ESPN: variants seen among roughly 807,000 people sequenced by gnomAD.
ESPN encodes the protein espin, also known as autosomal recessive deafness type 36 protein.
A neutral mutation model predicts 77.7 loss-of-function variants in ESPN; 68 were observed. The observed-to-expected ratio is 0.87, with a 90% confidence interval of 0.72 to 1.07. The LOEUF (loss-of-function observed/expected upper bound fraction) is 1.07. ESPN is among the 50% of genes least tolerant of loss of function. The pLI is 0.00. For synonymous variants in ESPN, 449 were observed against 567.1 expected (o/e 0.79, Z 2.96); for missense variants, 1,060 against 1,239.0 (o/e 0.86, Z 2.17).
intron 7 of ESPN, among the ~76,000 whole-genome samples, chr1:6,446,318 C>A (rs1476988410): frequency 6.6e-6 from 1 of 152,124 alleles, no homozygotes; most frequent in Admixed American, 6.6e-5. Context: ...CAGGCTCAGT[C>A]GGAGAGTGTC....
At chr1:6,430,901 G>A (rs1643219636) in intron 2 of ESPN, among the ~76,000 whole-genome samples, 1 of 152,188 alleles carries the variant, frequency 6.6e-6, no homozygotes, top group Admixed American at 6.5e-5. Context: ...GGCCCTCCCG[G>A]CAGGAGCTCC....
chr1:6,460,846 C>G lies in ESPN; in HGVS notation c.*700C>G, dbSNP rs1644150401. On this transcript the variant is annotated 3_prime_UTR_variant, in exon 13 of 13. Transcript: ENST00000645284. Reference sequence around the variant, plus strand: ...GTGGAGTGAATAGAGGATGAGGGGCCCTGACCCTGTGTCTCCAACTGCTGC... The same window carrying G: ...GTGGAGTGAATAGAGGATGAGGGGCGCTGACCCTGTGTCTCCAACTGCTGC... 1.1e-4 allele frequency: 32 copies of G among 292,972 alleles called. 1 individual carries two copies. The highest frequency in any genetic ancestry group is 1.0e-3 in the South Asian group (32 of 31,848). 18.1% of individuals were successfully genotyped at this position (292,972 alleles called of 1,614,324 possible).
chr1:6,445,609 G>T, intron 6 of ESPN, 55 bp from the exon 7 acceptor site: 1 of 1,586,306 alleles, frequency 6.3e-7, no homozygotes, highest in East Asian at 2.3e-5. Flanking sequence ...TCTCAGTCTT[G>T]GGGGACAGCC....
intron 10 of ESPN, chr1:6,456,495 G>T (rs1644060439): frequency 4.2e-6 from 1 of 237,140 alleles, no homozygotes; most frequent in Non-Finnish European, 8.0e-6. Flanking sequence ...TCTGAGTGAG[G>T]GGCTGCGGCT....
intron 7 of ESPN, chr1:6,448,094 C>T (rs1469333411): frequency 1.3e-5 from 2 of 152,384 alleles, no homozygotes; most frequent in Non-Finnish European, 2.9e-5. Context: ...AGGTGCACAG[C>T]GGGGGCCACC....
In ESPN at chr1:6,458,007, C is replaced by T. The variant is rs79015088; in HGVS notation, c.2417+635C>T. ...GGCAATGCAGTGAGACCTCATTCTGCGAAAAAAAAAAAAAAAAAAAAATTT... is the reference window on the plus strand; with the variant it reads ...GGCAATGCAGTGAGACCTCATTCTGTGAAAAAAAAAAAAAAAAAAAAATTT... On this transcript the variant is annotated intron_variant, in intron 12 of 12. Transcript: ENST00000645284. Among the ~76,000 whole-genome samples the T allele has an allele frequency of 4.4e-4, 51 of 116,546 alleles. 1 individual carries two copies. The East Asian group carries it at 9.4e-3, about 22-fold the overall frequency. The allele number at this position is 116,546 out of a possible 152,430, so 76.5% of individuals were successfully genotyped here. A position where few individuals can be genotyped will look rare whatever the true frequency, so the allele number is the denominator to read the frequency against.
chr1:6,426,934 C>A (rs1643058564), intron 1 of ESPN, among the ~76,000 whole-genome samples: 1 of 152,140 alleles, frequency 6.6e-6, no homozygotes, highest in Non-Finnish European at 1.5e-5. Context: ...TTCCTCCCTG[C>A]CTCCTTAGCA....
rs1644149875 is a variant in ESPN, at chr1:6,460,827, T to G, written c.*681T>G. 4.5e-6 allele frequency: 1 copy of G among 221,918 alleles called. No homozygotes were observed. Among genetic ancestry groups the G allele is most frequent in the Non-Finnish European group, 9.1e-6 (1 of 110,036 alleles). 13.7% of individuals were successfully genotyped at this position (221,918 alleles called of 1,614,324 possible). ...GGACCCTTTCACTGCCCCGGTGGAG[T>G]GAATAGAGGATGAGGGGCCCTGACC... On this transcript the variant is annotated 3_prime_UTR_variant, in exon 13 of 13. Transcript: ENST00000645284.
chr1:6,431,021 T>G (rs1405558042), intron 2 of ESPN, among the ~76,000 whole-genome samples: 1 of 152,216 alleles, frequency 6.6e-6, no homozygotes, highest in African/African-American at 2.4e-5. Context: ...AGGAGGGTCC[T>G]GGAGCCCAGG....
rs773265509 is a variant in ESPN, at chr1:6,441,070, G to C, written c.990+5G>C. 6.2e-6 allele frequency: 10 copies of C among 1,610,384 alleles called. No homozygotes were observed. The highest frequency in any genetic ancestry group is 8.5e-6 in the Non-Finnish European group (10 of 1,179,172). ...CTGCGCACGGTGGAGAACCTGGTAC[G>C]ATCCCTGAGCTGCTCCTGTCGCATT... On this transcript the variant is annotated splice_donor_5th_base_variant and intron_variant, in intron 5 of 12. Transcript: ENST00000645284.
Position 6,437,377 on chromosome 1 carries a change from A to G in ESPN, c.489-2877A>G, listed in dbSNP as rs1177743353. ...CCGTGGGCCTCTACAGATAGAACCC[A>G]GTGGGCCCCCACCAGCCCCTGATCC... On this transcript the variant is annotated intron_variant, in intron 2 of 12. Transcript: ENST00000645284. The surrounding 1 kb of genome is among the most constrained non-coding windows in gnomAD (Gnocchi z 4.5). 6.6e-6 allele frequency: 1 copy of G among 152,208 alleles called. No homozygotes were observed. The highest frequency in any genetic ancestry group is 1.5e-5 in the Non-Finnish European group (1 of 68,034). 9.4% of individuals were successfully genotyped at this position (152,208 alleles called of 1,614,324 possible).
chr1:6,460,507 G>C lies in ESPN; in HGVS notation c.*361G>C. 1 of 199,764 alleles carries C rather than the reference G, an allele frequency of 5.0e-6. No individual in the cohort carries two copies. Among genetic ancestry groups the C allele is most frequent in the Non-Finnish European group, 1.0e-5 (1 of 97,114 alleles). The allele number at this position is 199,764 out of a possible 1,614,324, so 12.4% of individuals were successfully genotyped here. On this transcript the variant is annotated 3_prime_UTR_variant, in exon 13 of 13. Coordinates refer to ENST00000645284, the MANE Select transcript of ESPN (RefSeq NM_031475.3). ...TTCCTGCGGGGCTCAGCCCCCTCCA[G>C]GATGCAGCCCCCTCCCCCGCACCCC...
Position 6,444,484 on chromosome 1 carries a change from G to A in ESPN, c.994G>A (p.Val332Met), listed in dbSNP as rs777273227. ...RYLRTVENLS[V>M]EHRVLSRDPS... ...GGCCTCCCTGCCTCCCCTTCAGAGC[G>A]TGGAGCACCGCGTGCTTTCCCGGGA... The change falls in exon 6 of 13, where the codon GTG becomes ATG. Residue 332 changes from valine to methionine, a missense_variant. Coordinates refer to ENST00000645284, the MANE Select transcript of ESPN (RefSeq NM_031475.3). 8.1e-6 allele frequency: 13 copies of A among 1,614,172 alleles called. No individual in the cohort carries two copies. Among genetic ancestry groups the A allele is most frequent in the Admixed American group, 5.0e-5 (3 of 60,030 alleles).
rs546499647 is a variant in ESPN at position 6,445,831 on chromosome 1, G to C, written c.1360G>C (p.Gly454Arg). The change falls in exon 7 of 13, where the codon GGC (glycine) becomes CGC (arginine). Residue 454 changes from glycine to arginine, a missense_variant. Physicochemically the swap from Gly to Arg is moderately radical, Grantham distance 125. This residue lies in a region of ESPN where 130 missense variants were observed against 223.9 expected (regional missense o/e 0.58). Coordinates refer to ENST00000645284, the MANE Select transcript of ESPN (RefSeq NM_031475.3). ...CACCCAACTGCCCCCACCCCCACCT[G>C]GCTACCCAGCTCCCAAGCCTCCTGT... ...PGTQLPPPPPGYPAPKPPVGP... is the reference protein window; with the variant it reads ...PGTQLPPPPPRYPAPKPPVGP... 7.9e-7 allele frequency: 1 copy of C among 1,269,972 alleles called. No individual in the cohort carries two copies. Among genetic ancestry groups the C allele is most frequent in the Admixed American group, 2.4e-5 (1 of 41,252 alleles). The allele number at this position is 1,269,972 out of a possible 1,614,324, so 78.7% of individuals were successfully genotyped here. A position where few individuals can be genotyped will look rare whatever the true frequency, so the allele number is the denominator to read the frequency against.
At chr1:6,452,319 C>T (rs1342743906) in intron 10 of ESPN, among the ~76,000 whole-genome samples, 1 of 152,122 alleles carries the variant, frequency 6.6e-6, no homozygotes, top group Non-Finnish European at 1.5e-5. Flanking sequence ...ATTCTCCTGC[C>T]TCAGCCTCCC....
At chr1:6,429,351 T>C (rs1000394965) in intron 2 of ESPN, among the ~76,000 whole-genome samples, 1 of 151,984 alleles carries the variant, frequency 6.6e-6, no homozygotes, top group Non-Finnish European at 1.5e-5. Context: ...AAACTAGGAT[T>C]TGGATCATGT....
chr1:6,448,109 C>G (rs1450355443), intron 7 of ESPN: 2 of 152,438 alleles, frequency 1.3e-5, no homozygotes, highest in African/African-American at 2.4e-5. Context: ...GCCACCAGCA[C>G]CGTGGCAGGT....
intron 10 of ESPN, among the ~76,000 whole-genome samples, chr1:6,453,442 C>T (rs770302464): frequency 1.9e-4 from 29 of 152,158 alleles, no homozygotes; most frequent in African/African-American, 6.0e-4. Flanking sequence ...GGCTGGGGGG[C>T]GTGTTAGGGA....
In ESPN at chr1:6,448,831, G is replaced by C. The variant is rs1443725819; in HGVS notation, c.1655G>C (p.Gly552Ala). The change falls in exon 8 of 13, where the codon GGC (glycine) becomes GCC (alanine). Residue 552 changes from glycine (G) to alanine (A), a missense_variant. By Grantham distance (60) the Gly-to-Ala change is moderately conservative. Transcript: ENST00000645284. ...EVRARQPARA[G>A]CPRLGPAARG... ...CGTGCCCGCCAGCCCGCGCGCGCCG[G>C]CTGCCCGCGCCTCGGCCCTGCCGCC... 1 of 1,236,916 alleles carries C rather than the reference G, an allele frequency of 8.1e-7. No individual in the cohort carries two copies. Among genetic ancestry groups the C allele is most frequent in the African/African-American group, 1.6e-5 (1 of 63,752 alleles). 76.6% of individuals were successfully genotyped at this position (1,236,916 alleles called of 1,614,324 possible).
Sources: gnomAD v4.1 joint callset for allele counts (sites outside exome capture counted in the v4.1 genomes callset) on GRCh38, gnomAD v4.1.1 for gene constraint, gnomAD v4.1.1 regional missense constraint, Gnocchi (gnomAD v3.1) non-coding constraint, MANE v1.5 for transcripts, NCBI Gene and HGNC (gene_info 2026-07-23, HGNC 2026-07-21) for gene names.